Variants in GRIN2A observed in about 807,000 individuals in gnomAD.
The protein encoded by GRIN2A is glutamate ionotropic receptor NMDA type subunit 2A.
Under a neutral mutation model 113.4 loss-of-function variants are expected in GRIN2A, and 22 were observed. The observed-to-expected ratio is 0.19, with a 90% CI of 0.14 to 0.28. GRIN2A has a LOEUF of 0.28. Among genes scored for constraint, GRIN2A ranks in the 10% least tolerant of loss-of-function variants. The probability of loss-of-function intolerance (pLI) is 1.00; values close to 1 mark genes in which losing one functional copy is unlikely to be tolerated. For synonymous variants in GRIN2A, 827 were observed against 738.4 expected, an observed-to-expected ratio of 1.12 and a Z score of -1.94; for missense variants, 1,502 against 1,887.0, an observed-to-expected ratio of 0.80 and a Z score of 3.78.
intron 3 of GRIN2A, among the ~76,000 whole-genome samples, chr16:9,916,539 C>A (rs9925570): frequency 6.6e-6 from 1 of 152,148 alleles, no homozygotes; most frequent in African/African-American, 2.4e-5. Context: ...AGAGCCACAG[C>A]GATACAGTGA....
At chr16:10,179,957 G>T in intron 2 of GRIN2A, 41 bp downstream of exon 2, 1 of 1,575,976 alleles carries the variant, frequency 6.3e-7, no homozygotes. Context: ...TGCAGCTGGT[G>T]GCTTCCCAGG....
chr16:9,908,964 A>T (rs1016317371), intron 3 of GRIN2A, among the ~76,000 whole-genome samples: 1 of 152,152 alleles, frequency 6.6e-6, no homozygotes, highest in African/African-American at 2.4e-5. Context: ...GCTGAGTGAG[A>T]GGTTGACTTA....
chr16:9,944,803 T>C (rs1316127508), intron 2 of GRIN2A, among the ~76,000 whole-genome samples: 1 of 152,124 alleles, frequency 6.6e-6, no homozygotes, highest in African/African-American at 2.4e-5. Context: ...AAGGATCCCA[T>C]GCTCTATGTA....
At chr16:9,825,128 G>A (rs1208265419) in intron 9 of GRIN2A, among the ~76,000 whole-genome samples, 2 of 152,340 alleles carry the variant, frequency 1.3e-5, no homozygotes, top group Middle Eastern at 3.4e-3. Flanking sequence ...TTCCCTTGCT[G>A]TGTAGGTTAA....
chr16:10,138,068 C>T (rs539678385), intron 2 of GRIN2A, among the ~76,000 whole-genome samples: 8 of 152,304 alleles, frequency 5.3e-5, no homozygotes, highest in African/African-American at 1.9e-4. Flanking sequence ...CTCCTAGACC[C>T]TAGTTCTGTC....
intron 2 of GRIN2A, among the ~76,000 whole-genome samples, chr16:10,149,667 G>C (rs757610415): frequency 1.3e-5 from 2 of 152,108 alleles, no homozygotes; most frequent in Non-Finnish European, 2.9e-5. Flanking sequence ...CCTCACCCAA[G>C]TAACCATCCT....
intron 2 of GRIN2A, among the ~76,000 whole-genome samples, chr16:10,049,808 G>A (rs974658732): frequency 2.0e-5 from 3 of 152,166 alleles, no homozygotes; most frequent in Admixed American, 6.5e-5. Context: ...CTCTATAATG[G>A]CAGAACATTT....
chr16:9,840,821 AAAAAAAAAAAAAG>A, intron 6 of GRIN2A, 21 bp from the exon 7 acceptor site: 1 of 1,595,238 alleles, frequency 6.3e-7, no homozygotes, highest in African/African-American at 1.4e-5. Context: ...GGCAAAAAAA[AAAAAAAAAAAAAG>A]AGAGAGAGAG....
intron 3 of GRIN2A, among the ~76,000 whole-genome samples, chr16:9,934,025 A>G (rs956304747): frequency 6.6e-6 from 1 of 152,212 alleles, no homozygotes; most frequent in Non-Finnish European, 1.5e-5. Context: ...TTTCCCTTCT[A>G]TGGAGAGAAC....
At chr16:10,111,305 C>A in intron 2 of GRIN2A, 1 of 373,670 alleles carries the variant, frequency 2.7e-6, no homozygotes, top group South Asian at 2.2e-5. Context: ...GTTCCCAGGC[C>A]CACAGCGTCA....
intron 2 of GRIN2A, among the ~76,000 whole-genome samples, chr16:10,091,399 A>G (rs959997607): frequency 2.6e-5 from 4 of 152,084 alleles, no homozygotes; most frequent in African/African-American, 9.7e-5. Flanking sequence ...GGAGTTTGAG[A>G]TCAACCTGGG....
At chr16:10,148,067 T>G (rs893406440) in intron 2 of GRIN2A, among the ~76,000 whole-genome samples, 1 of 152,194 alleles carries the variant, frequency 6.6e-6, no homozygotes, top group Non-Finnish European at 1.5e-5. Context: ...ACCCTACTGG[T>G]TGCTCCCTGT....
chr16:9,936,477 T>C (rs1467768702), intron 3 of GRIN2A, among the ~76,000 whole-genome samples: 7 of 152,150 alleles, frequency 4.6e-5, no homozygotes, highest in African/African-American at 1.7e-4. Flanking sequence ...TAATCACAGT[T>C]CTACACTGCT....
chr16:10,175,679 A>G (rs1206910050), intron 2 of GRIN2A, among the ~76,000 whole-genome samples: 1 of 152,234 alleles, frequency 6.6e-6, no homozygotes, highest in Non-Finnish European at 1.5e-5. Context: ...CTGGCAGAAG[A>G]CATGAGGCTT....
At chr16:9,912,167 G>A (rs1236335995) in intron 3 of GRIN2A, among the ~76,000 whole-genome samples, 1 of 151,986 alleles carries the variant, frequency 6.6e-6, no homozygotes, top group Non-Finnish European at 1.5e-5. Context: ...GAAGGAAGAA[G>A]AAGAATGGGG....
intron 2 of GRIN2A, among the ~76,000 whole-genome samples, chr16:10,079,963 G>A (rs895385106): frequency 6.6e-6 from 1 of 152,206 alleles, no homozygotes; most frequent in Non-Finnish European, 1.5e-5. Flanking sequence ...GAATGAGCAA[G>A]TTACCCTCTG....
intron 2 of GRIN2A, among the ~76,000 whole-genome samples, chr16:10,095,736 C>A (rs1378911068): frequency 6.6e-6 from 1 of 152,152 alleles, no homozygotes; most frequent in Admixed American, 6.5e-5. Context: ...GAAATAGCAA[C>A]TTTACAGTAG....
At chr16:9,827,708 G>C (rs1268133053) in intron 9 of GRIN2A, among the ~76,000 whole-genome samples, 2 of 152,172 alleles carry the variant, frequency 1.3e-5, no homozygotes, top group Admixed American at 1.3e-4. Flanking sequence ...AGCACAGAAA[G>C]GTGGGGCTGG....
chr16:9,759,184 A>C lies in GRIN2A; in HGVS notation c.*3965T>G, dbSNP rs1461185831. 1 of 217,534 alleles carries C rather than the reference A, an allele frequency of 4.6e-6. No individual in the cohort carries two copies. The highest frequency in any genetic ancestry group is 5.8e-5 in the Admixed American group (1 of 17,230). The allele number at this position is 217,534 out of a possible 1,614,324, so 13.5% of individuals were successfully genotyped here. On this transcript the variant is annotated 3_prime_UTR_variant, in exon 13 of 13. Transcript: ENST00000330684. ...AAATTAGTGTTTATTTAGGTCTTAA[A>C]CCGCAAGGGATTTCAGTACAAGGTA...
Sources: allele counts gnomAD v4.1 joint callset (sites outside exome capture counted in the v4.1 genomes callset), GRCh38; gene constraint gnomAD v4.1.1; transcripts MANE v1.5; gene names NCBI Gene and HGNC (gene_info 2026-07-23, HGNC 2026-07-21).